Variants in OSBPL10 observed in about 807,000 individuals in gnomAD.
OSBPL10 encodes oxysterol binding protein like 10.
Under a neutral mutation model 81.7 loss-of-function variants are expected in OSBPL10, and 49 were observed. The observed-to-expected ratio is 0.60, with a 90% CI of 0.48 to 0.76. OSBPL10 has a LOEUF of 0.76. OSBPL10 is among the 30% of genes least tolerant of loss of function. The pLI is 0.00. For missense variants in OSBPL10, 923 were observed against 987.8 expected (o/e 0.93, Z 0.88); for synonymous variants, 419 against 383.6 (o/e 1.09, Z -1.08).
intron 1 of OSBPL10, among the ~76,000 whole-genome samples, chr3:31,881,281 A>G (rs1346644334): frequency 6.6e-6 from 1 of 152,206 alleles, no homozygotes; most frequent in Non-Finnish European, 1.5e-5. Context: ...GCACTTGTGC[A>G]AGGAATGAAT....
intron 4 of OSBPL10, among the ~76,000 whole-genome samples, chr3:31,762,629 C>CCTTTTTTTTTTTTT (rs1491572896): frequency 4.1e-4 from 7 of 17,224 alleles, no homozygotes; most frequent in Admixed American, 7.8e-4. Flanking sequence ...CCATGCCCAG[C>CCTTTTTTTTTTTTT]ATTTTTTTTT....
At chr3:31,864,309 C>T (rs1470242940) in intron 3 of OSBPL10, among the ~76,000 whole-genome samples, 4 of 152,060 alleles carry the variant, frequency 2.6e-5, no homozygotes, top group African/African-American at 9.7e-5. Flanking sequence ...GTGGTGCAAT[C>T]TGGCTCACTG....
intron 8 of OSBPL10, 99 bp downstream of exon 8, chr3:31,683,535 A>G (rs1700708054): frequency 1.3e-6 from 2 of 1,487,512 alleles, no homozygotes; most frequent in Admixed American, 4.2e-5. Context: ...GTTAAAAACA[A>G]CAACAACAAA....
chr3:31,965,114 C>G (rs1391203981), intron 1 of OSBPL10, among the ~76,000 whole-genome samples: 1 of 151,722 alleles, frequency 6.6e-6, no homozygotes, highest in Non-Finnish European at 1.5e-5. Flanking sequence ...GGCCAGGCGG[C>G]CGGGGCGCAC....
At chr3:31,801,811 T>A (rs1268394982) in intron 4 of OSBPL10, among the ~76,000 whole-genome samples, 1 of 151,172 alleles carries the variant, frequency 6.6e-6, no homozygotes, top group African/African-American at 2.5e-5. Flanking sequence ...AAGACCTGAT[T>A]TCTTTCTTTT....
At chr3:32,021,334 C>A (rs987651020) in intron 2 of OSBPL10, among the ~76,000 whole-genome samples, 1 of 152,192 alleles carries the variant, frequency 6.6e-6, no homozygotes, top group Non-Finnish European at 1.5e-5. Flanking sequence ...AGTTCAACGT[C>A]ATGAGGACAG....
intron 5 of OSBPL10, among the ~76,000 whole-genome samples, chr3:31,735,556 T>C (rs916549370): frequency 6.6e-6 from 1 of 152,332 alleles, no homozygotes; most frequent in South Asian, 2.1e-4. Context: ...CTTCTCCCCA[T>C]TGCTTAGTAT....
chr3:32,037,467 T>C (rs911714618), intron 2 of OSBPL10: 27 of 175,180 alleles, frequency 1.5e-4, no homozygotes, highest in Middle Eastern at 2.6e-3. Flanking sequence ...CTGGGCAACA[T>C]AGCAAGACCC....
chr3:31,990,591 T>A, intron 2 of OSBPL10: 1 of 1,613,978 alleles, frequency 6.2e-7, no homozygotes, highest in Non-Finnish European at 8.5e-7. Context: ...AGGCAATTCA[T>A]ACTGGAGAGA....
Position 31,744,132 on chromosome 3 carries a change from G to A in OSBPL10, c.940+3778C>T, listed in dbSNP as rs556182368. Reference sequence around the variant, plus strand: ...AAAACTTCAGGGGCTGTGTTACATGGAATATGACATGTAAAAAGGGTAAGA... The same window carrying A: ...AAAACTTCAGGGGCTGTGTTACATGAAATATGACATGTAAAAAGGGTAAGA... On this transcript the variant is annotated intron_variant, in intron 5 of 11. Transcript: ENST00000396556. Among the ~76,000 whole-genome samples the A allele has an allele frequency of 3.3e-5, 5 of 152,320 alleles. No homozygotes were observed. The East Asian group carries it at 9.6e-4, about 29-fold the overall frequency.
At chr3:32,026,370 T>A (rs111754934) in intron 2 of OSBPL10, among the ~76,000 whole-genome samples, 1 of 152,114 alleles carries the variant, frequency 6.6e-6, no homozygotes, top group African/African-American at 2.4e-5. Context: ...ACTCCTGGTG[T>A]CAAGCAATCC....
chr3:31,664,315 C>T, intron 10 of OSBPL10, 83 bp from the exon 11 acceptor site: 3 of 1,446,646 alleles, frequency 2.1e-6, no homozygotes, highest in Non-Finnish European at 2.9e-6. Flanking sequence ...GCAGCCAGAG[C>T]AGCGAGGGGC....
intron 3 of OSBPL10, among the ~76,000 whole-genome samples, chr3:31,874,712 C>T (rs1255330542): frequency 6.6e-6 from 1 of 152,024 alleles, no homozygotes; most frequent in Non-Finnish European, 1.5e-5. Flanking sequence ...TAGTAACGCC[C>T]GTTAATGAGA....
At chr3:31,887,813 G>C (rs1290323105) in intron 1 of OSBPL10, among the ~76,000 whole-genome samples, 2 of 152,022 alleles carry the variant, frequency 1.3e-5, no homozygotes, top group Non-Finnish European at 2.9e-5. Context: ...TTAAAATCTG[G>C]AATCTTCTTA....
chr3:31,837,397 C>T (rs1163865856), intron 3 of OSBPL10, among the ~76,000 whole-genome samples: 1 of 105,666 alleles, frequency 9.5e-6, no homozygotes, highest in African/African-American at 3.2e-5. Flanking sequence ...AACACAGAGA[C>T]CTTTAAATGC....
chr3:31,723,488 A>G (rs917243848), intron 6 of OSBPL10, among the ~76,000 whole-genome samples: 13 of 151,994 alleles, frequency 8.6e-5, no homozygotes, highest in Non-Finnish European at 1.5e-4. Flanking sequence ...TCTGAAAAAC[A>G]CTGCCAGAAC....
At chr3:31,709,452 T>C (rs1018437141) in intron 6 of OSBPL10, 79 of 152,252 alleles carry the variant, frequency 5.2e-4, no homozygotes, top group African/African-American at 1.9e-3. Context: ...GGAACAATTA[T>C]ATTGAGAGGA....
At chr3:31,725,193 A>G (rs554525566) in intron 6 of OSBPL10, among the ~76,000 whole-genome samples, 16 of 152,360 alleles carry the variant, frequency 1.1e-4, no homozygotes, top group African/African-American at 3.8e-4. Flanking sequence ...AGAGCTCAAT[A>G]TCTGTTGAGT....
chr3:31,762,365 T>G (rs373644330), intron 4 of OSBPL10, among the ~76,000 whole-genome samples: 1 of 152,310 alleles, frequency 6.6e-6, no homozygotes, highest in East Asian at 1.9e-4. Flanking sequence ...TCACAAGATG[T>G]GTGGCAGGGG....
Sources: gnomAD v4.1 joint callset for allele counts (sites outside exome capture counted in the v4.1 genomes callset) on GRCh38, gnomAD v4.1.1 for gene constraint, MANE v1.5 for transcripts, NCBI Gene and HGNC (gene_info 2026-07-23, HGNC 2026-07-21) for gene names.